MYH14: variants seen among roughly 807,000 people sequenced by gnomAD.
MYH14 encodes myosin heavy chain 14.
MYH14 carries 123 observed loss-of-function variants against 255.5 expected under a neutral mutation model. That is an observed-to-expected ratio of 0.48 (90% CI 0.42 to 0.56). MYH14 has a LOEUF of 0.56. MYH14 is among the 20% of genes least tolerant of loss of function. The pLI is 0.00. For synonymous variants in MYH14, 1,095 were observed against 1,161.2 expected, an observed-to-expected ratio of 0.94 and a Z score of 1.16; for missense variants, 2,423 against 2,802.3, an observed-to-expected ratio of 0.86 and a Z score of 3.06.
In MYH14 at chr19:50,250,987, T is replaced by C. The variant is rs1488762456; in HGVS notation, c.1830+299T>C. Among the ~76,000 whole-genome samples, 1 of 152,206 alleles carries C rather than the reference T, an allele frequency of 6.6e-6. No homozygotes were observed. The highest frequency in any genetic ancestry group is 1.5e-5 in the Non-Finnish European group (1 of 68,026). ...AGATATGTGCGGGGTGCCATTTGTG[T>C]GCCCAGCTCGGGGCCGAGCAAAGCT... On this transcript the variant is annotated intron_variant, in intron 15 of 42. Coordinates refer to ENST00000642316, the MANE Select transcript of MYH14 (RefSeq NM_001145809.2). This position sits in a 1 kb window ranked among gnomAD's most constrained non-coding sequence, Gnocchi z 5.4.
chr19:50,244,824 A>G (rs1449375395), intron 11 of MYH14, among the ~76,000 whole-genome samples: 1 of 151,888 alleles, frequency 6.6e-6, no homozygotes, highest in Non-Finnish European at 1.5e-5. Flanking sequence ...AATAACATCA[A>G]CCACTCTTTT....
intron 17 of MYH14, 126 bp from the exon 18 acceptor site, chr19:50,257,173 G>A: frequency 1.4e-6 from 1 of 698,818 alleles, no homozygotes; most frequent in Non-Finnish European, 2.3e-6. Flanking sequence ...TACCTTACAG[G>A]CTGTGTGAGG....
chr19:50,259,882 AAAAT>A (rs1452415712), intron 19 of MYH14, among the ~76,000 whole-genome samples: 1 of 152,154 alleles, frequency 6.6e-6, no homozygotes, highest in Non-Finnish European at 1.5e-5. Flanking sequence ...CTGTCTCAAA[AAAAT>A]AAATAAGTAA....
At chr19:50,246,638 A>AAACAAAACG (rs1242180376) in intron 11 of MYH14, among the ~76,000 whole-genome samples, 2 of 6,692 alleles carry the variant, frequency 3.0e-4, no homozygotes, top group African/African-American at 5.7e-4. Context: ...AAACAAAACA[A>AAACAAAACG]AACAAACAAA....
At position 50,289,629 on chromosome 19, in the gene MYH14, G is replaced by T; in HGVS notation, c.4946G>T (p.Arg1649Leu). The change falls in exon 35 of 43, where the codon CGG (arginine) becomes CTG (leucine). Residue 1649 changes from arginine to leucine, a missense_variant. Arg to Leu is a moderately radical substitution (Grantham distance 102). Coordinates refer to ENST00000642316, the MANE Select transcript of MYH14 (RefSeq NM_001145809.2). ...QGRDEAGEER[R>L]RQLAKQLRDA... ...CGTGATGAGGCTGGTGAAGAGAGGCGGAGGCAGCTGGCCAAGCAGGTATTG... is the reference window on the plus strand; with the variant it reads ...CGTGATGAGGCTGGTGAAGAGAGGCTGAGGCAGCTGGCCAAGCAGGTATTG... 1 of 1,609,132 alleles carries T rather than the reference G, an allele frequency of 6.2e-7. No individual in the cohort carries two copies. Among genetic ancestry groups the T allele is most frequent in the East Asian group, 2.2e-5 (1 of 44,734 alleles).
chr19:50,264,097 A>C (rs2034995804), intron 22 of MYH14, among the ~76,000 whole-genome samples: 1 of 151,634 alleles, frequency 6.6e-6, no homozygotes, highest in African/African-American at 2.4e-5. Context: ...TAAAAAAAAA[A>C]AAAAAGTACA....
At chr19:50,291,481 G>A (rs1461232147) in intron 36 of MYH14, among the ~76,000 whole-genome samples, 2 of 152,080 alleles carry the variant, frequency 1.3e-5, no homozygotes, top group Non-Finnish European at 2.9e-5. Context: ...GTAGAGACAA[G>A]GTTTTGCCAT....
Position 50,210,379 on chromosome 19 carries a change from C to T in MYH14, c.14C>T (p.Thr5Ile), listed in dbSNP as rs2032109498. Residue 5 changes from threonine to isoleucine, a missense_variant, in exon 2 of 43, where the codon ACC (threonine) becomes ATC (isoleucine). Transcript: ENST00000642316. The stretch of plus-strand genomic sequence containing the variant: ...CCCCTGCAGACCATGGCAGCCGTGA[C>T]CATGTCGGTGCCCGGGCGGAAGGCG... MAAV[T>I]MSVPGRKAPP... 6.3e-7 allele frequency: 1 copy of T among 1,587,954 alleles called. No homozygotes were observed. The highest frequency in any genetic ancestry group is 2.3e-5 in the East Asian group (1 of 42,856).
rs946498567 is a variant in MYH14, at chr19:50,232,469, C to G, written c.1114+399C>G. On this transcript the variant is annotated intron_variant, in intron 10 of 42. Transcript: ENST00000642316. The stretch of plus-strand genomic sequence containing the variant: ...GTTAGCCAGGCGTGGTGGTGGGCAC[C>G]TGTAATCCCAGCTACTCAGGAGGCT... 1.2e-4 allele frequency among the ~76,000 whole-genome samples: 18 copies of G among 152,042 alleles called. No homozygotes were observed. In the South Asian group the frequency reaches 1.9e-3, roughly 16 times the overall value.
Position 50,278,228 on chromosome 19 carries a change from G to T in MYH14, c.3971G>T (p.Gly1324Val). The T allele has an allele frequency of 6.2e-7, 1 of 1,601,668 alleles. No individual in the cohort carries two copies. The highest frequency in any genetic ancestry group is 1.1e-5 in the South Asian group (1 of 88,838). ...RLELQLQEVQ[G>V]RAGDGERARA... ...GAGTTACAGCTGCAGGAGGTGCAGGGCCGGGCTGGTGATGGGGAGAGGGCA... is the reference window on the plus strand; with the variant it reads ...GAGTTACAGCTGCAGGAGGTGCAGGTCCGGGCTGGTGATGGGGAGAGGGCA... The change falls in exon 30 of 43, where the codon GGC becomes GTC. Residue 1324 changes from glycine (G) to valine (V), a missense_variant. Physicochemically the swap from Gly to Val is moderately radical, Grantham distance 109 (BLOSUM62 -3). Transcript: ENST00000642316.
chr19:50,300,585 C>CA (rs1358956985), intron 39 of MYH14, among the ~76,000 whole-genome samples: 5 of 151,900 alleles, frequency 3.3e-5, no homozygotes, highest in African/African-American at 7.3e-5. Flanking sequence ...CCCATCTCTA[C>CA]AAAAAATACA....
chr19:50,215,047 GA>G (rs2032399642), intron 2 of MYH14, among the ~76,000 whole-genome samples: 1 of 152,116 alleles, frequency 6.6e-6, no homozygotes, highest in South Asian at 2.1e-4. Flanking sequence ...TCAGAGCCCC[GA>G]GGGCTGGAGC....
intron 27 of MYH14, among the ~76,000 whole-genome samples, chr19:50,275,484 C>T (rs2035470046): frequency 6.6e-6 from 1 of 152,202 alleles, no homozygotes; most frequent in South Asian, 2.1e-4. Context: ...GTGTCTCCTA[C>T]GATTACTGTT....
chr19:50,272,455 T>G (rs2035337899), intron 26 of MYH14, 105 bp from the exon 27 acceptor site: 1 of 1,192,450 alleles, frequency 8.4e-7, no homozygotes, highest in African/African-American at 1.5e-5. Context: ...TTAAGGGAGG[T>G]GCTGAGCTTA....
At chr19:50,285,784 A>G (rs774556601) in intron 33 of MYH14, 6 of 152,048 alleles carry the variant, frequency 3.9e-5, no homozygotes, top group African/African-American at 1.4e-4. Flanking sequence ...TTCTGTTACA[A>G]TCTTCTTTCT....
chr19:50,276,978 C>A lies in MYH14; in HGVS notation c.3825+77C>A. On this transcript the variant is annotated intron_variant, in intron 29 of 42. Coordinates refer to ENST00000642316, the MANE Select transcript of MYH14 (RefSeq NM_001145809.2). This position sits in a 1 kb window ranked among gnomAD's most constrained non-coding sequence, Gnocchi z 4.3. ...GGACGCGGGGTTGGAGGAGGTACCG[C>A]TGGCTGGTTCTAGGCTAGCTCATCT... 8.6e-7 allele frequency: 1 copy of A among 1,165,848 alleles called. No individual in the cohort carries two copies. The highest frequency in any genetic ancestry group is 1.4e-5 in the South Asian group (1 of 71,398). The allele number at this position is 1,165,848 out of a possible 1,614,324, so 72.2% of individuals were successfully genotyped here.
rs778555817 is a variant in MYH14, at chr19:50,230,638, G to A, written c.973+15G>A. On this transcript the variant is annotated intron_variant, in intron 9 of 42. Coordinates refer to ENST00000642316, the MANE Select transcript of MYH14 (RefSeq NM_001145809.2). This position sits in a 1 kb window ranked among gnomAD's most constrained non-coding sequence, Gnocchi z 4.7. ...GCAGCTCAAAGGTCAGTGCCGCCCC[G>A]TCCTACCCTGCTCACCCGGGAGAGG... 7.1e-6 allele frequency: 11 copies of A among 1,552,558 alleles called. No homozygotes were observed. The highest frequency in any genetic ancestry group is 9.6e-6 in the Non-Finnish European group (11 of 1,147,532).
chr19:50,304,012 A>G (rs1018523992), intron 40 of MYH14, among the ~76,000 whole-genome samples: 1 of 152,216 alleles, frequency 6.6e-6, no homozygotes, highest in Non-Finnish European at 1.5e-5. Flanking sequence ...AATAATTACA[A>G]CAATACTAAT....
At chr19:50,260,022 T>C (rs1300098830) in intron 19 of MYH14, among the ~76,000 whole-genome samples, 1 of 151,920 alleles carries the variant, frequency 6.6e-6, no homozygotes, top group Non-Finnish European at 1.5e-5. Context: ...AGAAGTAGAA[T>C]GGGAAGCCTT....
Sources: allele counts gnomAD v4.1 joint callset (sites outside exome capture counted in the v4.1 genomes callset), GRCh38; gene constraint gnomAD v4.1.1; non-coding constraint Gnocchi (gnomAD v3.1); transcripts MANE v1.5; gene names NCBI Gene and HGNC (gene_info 2026-07-23, HGNC 2026-07-21).